The following CLDN16 variants were observed in gnomAD, a reference collection of about 807,000 sequenced individuals.
The protein encoded by CLDN16 is claudin 16, also known as claudin-16.
Under a neutral mutation model 24.6 loss-of-function variants are expected in CLDN16, and 13 were observed. The ratio of observed to expected loss-of-function variants is 0.53; its 90% CI spans 0.34 to 0.84. CLDN16 has a LOEUF of 0.84. CLDN16 is among the 40% of genes least tolerant of loss of function. The pLI, the probability that CLDN16 is intolerant of heterozygous loss-of-function variation, is 0.01. For synonymous variants in CLDN16, 116 were observed against 106.7 expected (o/e 1.09, Z -0.54); for missense variants, 298 against 292.7 (o/e 1.02, Z -0.13).
At chr3:190,397,933 A>G (rs1718860942) in intron 1 of CLDN16, among the ~76,000 whole-genome samples, 1 of 152,236 alleles carries the variant, frequency 6.6e-6, no homozygotes, top group Admixed American at 6.5e-5. Flanking sequence ...TTGAATATGC[A>G]TTTCAGATCA....
At chr3:190,322,103 T>C (rs766438527), upstream of CLDN16, 2 of 1,614,078 alleles carry the variant, frequency 1.2e-6, no homozygotes, top group African/African-American at 2.7e-5. Flanking sequence ...GTCGCCGGCA[T>C]AGGAGTAAAT....
rs1330345743 is a variant in CLDN16, at chr3:190,410,208, A to G, written c.*172A>G. 8.1e-6 allele frequency: 6 copies of G among 736,260 alleles called. No homozygotes were observed. The highest frequency in any genetic ancestry group is 2.8e-5 in the East Asian group (1 of 36,086). 45.6% of individuals were successfully genotyped at this position (736,260 alleles called of 1,614,324 possible). A position where few individuals can be genotyped will look rare whatever the true frequency, so the allele number is the denominator to read the frequency against. On this transcript the variant is annotated 3_prime_UTR_variant, in exon 5 of 5. Coordinates refer to ENST00000264734, the MANE Select transcript of CLDN16 (RefSeq NM_006580.4). ...TATACTTTTTCTTTCTATTACTCTT[A>G]TATTTTCCCGTCATTCTCTCTGCTA...
At chr3:190,314,747 T>G in the CLDN16 span, among the ~76,000 whole-genome samples, 82 of 152,120 alleles carry the variant, frequency 5.4e-4, no homozygotes, top group African/African-American at 1.9e-3. Flanking sequence ...TTTACAGTAT[T>G]TGAGAGATAT....
At chr3:190,338,647 G>C (rs1332786679) in intron 1 of CLDN16, among the ~76,000 whole-genome samples, 1 of 152,174 alleles carries the variant, frequency 6.6e-6, no homozygotes, top group African/African-American at 2.4e-5. Flanking sequence ...TATAATTGTA[G>C]CTGACAGGGA....
intron 1 of CLDN16, among the ~76,000 whole-genome samples, chr3:190,366,587 C>T (rs1444689365): frequency 1.3e-5 from 2 of 151,944 alleles, no homozygotes; most frequent in African/African-American, 2.4e-5. Context: ...GAGAGTAAGA[C>T]TGGACAGAGA....
chr3:190,301,297 C>T, the CLDN16 span, among the ~76,000 whole-genome samples: 3 of 152,060 alleles, frequency 2.0e-5, no homozygotes, highest in African/African-American at 4.8e-5. Context: ...GAGTTCGAGA[C>T]CAGCCTGGCC....
intron 3 of CLDN16, among the ~76,000 whole-genome samples, chr3:190,407,923 C>A (rs1719146877): frequency 6.6e-6 from 1 of 152,080 alleles, no homozygotes; most frequent in South Asian, 2.1e-4. Context: ...AACATATGCT[C>A]TATGTTGTTT....
chr3:190,292,818 C>T, the CLDN16 span, among the ~76,000 whole-genome samples: 9 of 152,284 alleles, frequency 5.9e-5, no homozygotes, highest in South Asian at 1.9e-3. Flanking sequence ...TCTGAGACCA[C>T]CTCAGCTTGG....
rs115591448 is a variant in CLDN16 at position 190,351,412 on chromosome 3, T to C, written n.122-19481T>C. On this transcript the variant is annotated intron_variant and non_coding_transcript_variant, in intron 1 of 4. Coordinates refer to the CLDN16 transcript ENST00000468220. ...CTTCCTTTACTTAAATTTACACATTTAATCCCATCTTGAGAGCTGCTTCTT... is the reference window on the plus strand; with the variant it reads ...CTTCCTTTACTTAAATTTACACATTCAATCCCATCTTGAGAGCTGCTTCTT... Among the ~76,000 whole-genome samples, 823 of 152,264 alleles carry C rather than the reference T, an allele frequency of 5.4e-3. 7 individuals are homozygous for C. Among genetic ancestry groups the C allele is most frequent in the African/African-American group, 0.019 (798 of 41,536 alleles).
In CLDN16 at chr3:190,410,687, A is replaced by G. The variant is rs1719254957; in HGVS notation, c.*651A>G. 6.6e-6 allele frequency: 1 copy of G among 152,404 alleles called. No homozygotes were observed. Among genetic ancestry groups the G allele is most frequent in the African/African-American group, 2.4e-5 (1 of 41,386 alleles). 9.4% of individuals were successfully genotyped at this position (152,404 alleles called of 1,614,324 possible). On this transcript the variant is annotated 3_prime_UTR_variant, in exon 5 of 5. Coordinates refer to ENST00000264734, the MANE Select transcript of CLDN16 (RefSeq NM_006580.4). ...ATACTGGAGCTCGTGGTGACTTTCT[A>G]CCTCACTAACAACATAAGGGATCTC...
intron 3 of CLDN16, among the ~76,000 whole-genome samples, chr3:190,406,996 C>T (rs1320031402): frequency 2.6e-5 from 4 of 151,888 alleles, no homozygotes; most frequent in Admixed American, 6.6e-5. Context: ...CGCCTCGGCC[C>T]CCCAAAGCGC....
rs565478321 is a variant in CLDN16 at position 190,362,965 on chromosome 3, C to T, written n.122-7928C>T. Among the ~76,000 whole-genome samples the T allele has an allele frequency of 7.2e-5, 11 of 151,908 alleles. No individual in the cohort carries two copies. In the South Asian group the frequency reaches 1.5e-3, roughly 20 times the overall value. ...TGTGTACTTTGTATTTTTTCTGCTT[C>T]GGTTTATTGAACTTGCATATGTGCA... On this transcript the variant is annotated intron_variant and non_coding_transcript_variant, in intron 1 of 4. Coordinates refer to the CLDN16 transcript ENST00000468220.
chr3:190,338,811 T>C (rs1421435278), intron 1 of CLDN16, among the ~76,000 whole-genome samples: 1 of 152,188 alleles, frequency 6.6e-6, no homozygotes, highest in Non-Finnish European at 1.5e-5. Flanking sequence ...TTGTGAGAAG[T>C]GAATGGATTT....
chr3:190,404,988 GGA>G, intron 3 of CLDN16, 62 bp downstream of exon 3: 1 of 1,526,788 alleles, frequency 6.5e-7, no homozygotes, highest in Non-Finnish European at 9.1e-7. Context: ...TTGAGGTGAA[GGA>G]GAGAGTTGTG....
At chr3:190,374,269 TTG>T (rs3220823) in intron 2 of CLDN16, among the ~76,000 whole-genome samples, 25,644 of 139,000 alleles carry the variant, frequency 0.18, 2,325 homozygotes, top group Non-Finnish European at 0.21. Context: ...CTGAAAAACA[TTG>T]TGTGTGTGTG....
intron 1 of CLDN16, among the ~76,000 whole-genome samples, chr3:190,328,051 G>A (rs890630462): frequency 4.6e-5 from 7 of 151,938 alleles, no homozygotes; most frequent in Non-Finnish European, 1.0e-4. Flanking sequence ...GGAGGCCAAG[G>A]TGAGAGAATT....
intron 1 of CLDN16, among the ~76,000 whole-genome samples, chr3:190,392,115 T>C (rs549815214): frequency 1.8e-4 from 27 of 150,016 alleles, no homozygotes; most frequent in South Asian, 4.3e-4. Flanking sequence ...CTTCAGAGAG[T>C]TGGACACTCA....
chr3:190,389,913 T>C (rs1718607421), intron 1 of CLDN16, among the ~76,000 whole-genome samples: 1 of 152,246 alleles, frequency 6.6e-6, no homozygotes, highest in Non-Finnish European at 1.5e-5. Context: ...AAATATTTTC[T>C]AAAACAATTT....
chr3:190,297,637 T>G, the CLDN16 span, among the ~76,000 whole-genome samples: 2 of 141,492 alleles, frequency 1.4e-5, no homozygotes, highest in African/African-American at 2.6e-5. Context: ...ATATAATATA[T>G]AATATATATC....
Sources: allele counts gnomAD v4.1 joint callset (sites outside exome capture counted in the v4.1 genomes callset), GRCh38; gene constraint gnomAD v4.1.1; transcripts MANE v1.5; gene names NCBI Gene and HGNC (gene_info 2026-07-23, HGNC 2026-07-21).